Variants in ADAMTS12 observed in about 807,000 individuals in gnomAD.
The protein encoded by ADAMTS12 is A disintegrin and metalloproteinase with thrombospondin motifs 12.
ADAMTS12 carries 118 observed loss-of-function variants against 167.8 expected under a neutral mutation model. The observed-to-expected ratio is 0.70, with a 90% CI of 0.61 to 0.82. The LOEUF (loss-of-function observed/expected upper bound fraction) is 0.82, where lower values mean the gene tolerates loss of function less well. ADAMTS12 is among the 40% of genes least tolerant of loss of function. The pLI is 0.00. For missense variants in ADAMTS12, 1,916 were observed against 1,998.8 expected, an observed-to-expected ratio of 0.96 and a Z score of 0.79; for synonymous variants, 704 against 716.9, an observed-to-expected ratio of 0.98 and a Z score of 0.29.
intron 12 of ADAMTS12, among the ~76,000 whole-genome samples, chr5:33,631,464 A>C (rs1290279649): frequency 8.2e-6 from 1 of 122,100 alleles, no homozygotes; most frequent in East Asian, 2.1e-4. Flanking sequence ...ATTGACAACC[A>C]TGTAGAAACA....
chr5:33,747,490 C>A (rs1404253794), intron 3 of ADAMTS12, among the ~76,000 whole-genome samples: 1 of 152,090 alleles, frequency 6.6e-6, no homozygotes, highest in Non-Finnish European at 1.5e-5. Flanking sequence ...CTGTTAAAGT[C>A]ATAGATGTAT....
chr5:33,834,959 G>A (rs552339002), intron 2 of ADAMTS12, among the ~76,000 whole-genome samples: 5 of 152,298 alleles, frequency 3.3e-5, no homozygotes, highest in Non-Finnish European at 7.4e-5. Flanking sequence ...CAGGAAAGAA[G>A]CAGGAAACTC....
At chr5:33,607,444 G>T (rs533612408) in intron 16 of ADAMTS12, among the ~76,000 whole-genome samples, 1 of 152,100 alleles carries the variant, frequency 6.6e-6, no homozygotes, top group Non-Finnish European at 1.5e-5. Flanking sequence ...AAAGAATCCC[G>T]AAGACCTGAA....
intron 1 of ADAMTS12, 50 bp downstream of exon 1, chr5:33,891,680 G>T (rs1365218372): frequency 1.2e-6 from 2 of 1,608,038 alleles, no homozygotes; most frequent in East Asian, 2.2e-5. Flanking sequence ...CAAAATTCCC[G>T]CAAGTCTTAC....
At chr5:33,686,110 A>G (rs1742314612) in intron 3 of ADAMTS12, among the ~76,000 whole-genome samples, 1 of 152,132 alleles carries the variant, frequency 6.6e-6, no homozygotes, top group African/African-American at 2.4e-5. Flanking sequence ...TCTAATCAGG[A>G]GGCTGCTCCA....
intron 16 of ADAMTS12, among the ~76,000 whole-genome samples, chr5:33,609,983 C>T (rs151052709): frequency 0.031 from 4,709 of 151,772 alleles, 266 homozygotes; most frequent in African/African-American, 0.11. Flanking sequence ...AGCTCGAGAC[C>T]CGCCTGACCA....
chr5:33,769,198 T>A (rs1483887561), intron 2 of ADAMTS12, among the ~76,000 whole-genome samples: 2 of 151,932 alleles, frequency 1.3e-5, no homozygotes, highest in African/African-American at 4.8e-5. Context: ...CCTTGGAAAC[T>A]CCCAAGAGCC....
At chr5:33,710,732 T>A (rs527509127) in intron 3 of ADAMTS12, among the ~76,000 whole-genome samples, 1 of 152,110 alleles carries the variant, frequency 6.6e-6, no homozygotes, top group South Asian at 2.1e-4. Flanking sequence ...GCATTTTAGA[T>A]AGCATGATCT....
chr5:33,703,925 TC>T (rs1198504764), intron 3 of ADAMTS12, among the ~76,000 whole-genome samples: 1 of 152,174 alleles, frequency 6.6e-6, no homozygotes, highest in Non-Finnish European at 1.5e-5. Flanking sequence ...AAAAGCCTAA[TC>T]CCCAGACAGG....
rs1313804265 is a variant in ADAMTS12 at position 33,643,377 on chromosome 5, C to T, written c.1572+1G>A. The stretch of plus-strand genomic sequence containing the variant: ...CCTCATTCCTCGGCCTGACGCATCA[C>T]CTTCTTCTCACCACATTGAGTTCCA... On this transcript the variant is annotated splice_donor_variant, in intron 10 of 23. Coordinates refer to ENST00000504830, the MANE Select transcript of ADAMTS12 (RefSeq NM_030955.4). LOFTEE classifies it high-confidence loss of function. 1 of 1,614,012 alleles carries T rather than the reference C, an allele frequency of 6.2e-7. No homozygotes were observed. The highest frequency in any genetic ancestry group is 1.1e-5 in the South Asian group (1 of 91,086).
At chr5:33,829,255 C>G (rs1037672345) in intron 2 of ADAMTS12, among the ~76,000 whole-genome samples, 4 of 152,164 alleles carry the variant, frequency 2.6e-5, no homozygotes, top group African/African-American at 9.7e-5. Flanking sequence ...GGAAGATGCT[C>G]AGGCTGCTGC....
Position 33,628,743 on chromosome 5 carries a change from T to C in ADAMTS12, c.2022+2037A>G, listed in dbSNP as rs201098044. Among the ~76,000 whole-genome samples the C allele has an allele frequency of 7.9e-5, 12 of 152,294 alleles. No individual in the cohort carries two copies. In the East Asian group the frequency reaches 2.3e-3, roughly 29 times the overall value. On this transcript the variant is annotated intron_variant, in intron 13 of 23. Transcript: ENST00000504830. ...AACAAATAAGGAGCCTGGAATTACC[T>C]ACAACCTGGATCCTTGAAGATAAAG...
chr5:33,679,891 A>G (rs1742045939), intron 5 of ADAMTS12, among the ~76,000 whole-genome samples: 1 of 152,170 alleles, frequency 6.6e-6, no homozygotes. Flanking sequence ...ACTCAGGTCA[A>G]CTTGCTCAAA....
At chr5:33,840,714 C>T (rs998932394) in intron 2 of ADAMTS12, among the ~76,000 whole-genome samples, 12 of 152,188 alleles carry the variant, frequency 7.9e-5, no homozygotes, top group South Asian at 2.1e-4. Flanking sequence ...TTACTGCAGC[C>T]CTTCTGGCAT....
rs149805692 is a variant in ADAMTS12 at position 33,523,830 on chromosome 5, A to G, written c.*3358T>C. Reference sequence around the variant, plus strand: ...AGGAGTAGCATCAAATATGTTAGCTAGGTTGTAACACCAGGCAGTTCATGT... The same window carrying G: ...AGGAGTAGCATCAAATATGTTAGCTGGGTTGTAACACCAGGCAGTTCATGT... On this transcript the variant is annotated 3_prime_UTR_variant, in exon 24 of 24. Transcript: ENST00000504830. 79 of 152,340 alleles carry G rather than the reference A, an allele frequency of 5.2e-4. No individual in the cohort carries two copies. The highest frequency in any genetic ancestry group is 1.9e-3 in the African/African-American group (77 of 41,568). 9.4% of individuals were successfully genotyped at this position (152,340 alleles called of 1,614,324 possible).
At chr5:33,679,827 C>T (rs1157385925) in intron 5 of ADAMTS12, among the ~76,000 whole-genome samples, 1 of 152,178 alleles carries the variant, frequency 6.6e-6, no homozygotes, top group African/African-American at 2.4e-5. Context: ...CTTCTCATTA[C>T]AAATTAAGAA....
At chr5:33,610,603 T>C (rs1247195701) in intron 16 of ADAMTS12, among the ~76,000 whole-genome samples, 1 of 152,204 alleles carries the variant, frequency 6.6e-6, no homozygotes, top group Non-Finnish European at 1.5e-5. Flanking sequence ...GACCTAGGCA[T>C]TTTACTTTTA....
chr5:33,623,920 G>A (rs2112120647), intron 14 of ADAMTS12, among the ~76,000 whole-genome samples: 1 of 152,230 alleles, frequency 6.6e-6, no homozygotes, highest in East Asian at 1.9e-4. Context: ...ATCCTCTTGT[G>A]ATGCTTGTTC....
intron 20 of ADAMTS12, among the ~76,000 whole-genome samples, chr5:33,557,959 A>G (rs1745560437): frequency 6.6e-6 from 1 of 152,056 alleles, no homozygotes; most frequent in Admixed American, 6.6e-5. Flanking sequence ...ATGAAAATCT[A>G]GTGCCTGATG....
Sources: allele counts gnomAD v4.1 joint callset (sites outside exome capture counted in the v4.1 genomes callset), GRCh38; gene constraint gnomAD v4.1.1; transcripts MANE v1.5; gene names NCBI Gene and HGNC (gene_info 2026-07-23, HGNC 2026-07-21).